Variants in TRAPPC9 observed in about 807,000 individuals in gnomAD.
TRAPPC9 encodes the protein trafficking protein particle complex subunit 9.
TRAPPC9 carries 83 observed loss-of-function variants against 124.0 expected under a neutral mutation model. The ratio of observed to expected loss-of-function variants is 0.67; its 90% confidence interval spans 0.56 to 0.80. The LOEUF (loss-of-function observed/expected upper bound fraction) is 0.80. TRAPPC9 is among the 30% of genes least tolerant of loss of function. The probability of loss-of-function intolerance (pLI) is 0.00; values close to 1 mark genes in which losing one functional copy is unlikely to be tolerated. For missense variants in TRAPPC9, 1,302 were observed against 1,508.3 expected (o/e 0.86, Z 2.27); for synonymous variants, 638 against 617.5 (o/e 1.03, Z -0.49).
chr8:139,762,861 A>G (rs2130369249), intron 21 of TRAPPC9, among the ~76,000 whole-genome samples: 1 of 152,288 alleles, frequency 6.6e-6, no homozygotes, highest in African/African-American at 2.4e-5. Context: ...ACGCACCCAG[A>G]AAGGAACATG....
intron 5 of TRAPPC9, among the ~76,000 whole-genome samples, chr8:140,411,585 GC>G (rs1451728168): frequency 2.6e-5 from 4 of 152,136 alleles, no homozygotes; most frequent in Non-Finnish European, 5.9e-5. Flanking sequence ...CAGGTGATCT[GC>G]CTGCCTCAAA....
At chr8:140,260,875 C>T (rs973819304) in intron 15 of TRAPPC9, among the ~76,000 whole-genome samples, 4 of 152,256 alleles carry the variant, frequency 2.6e-5, no homozygotes, top group Non-Finnish European at 4.4e-5. Flanking sequence ...CATCACCAGG[C>T]GGAAAGCACA....
At chr8:140,292,686 C>T (rs988140160) in intron 11 of TRAPPC9, among the ~76,000 whole-genome samples, 2 of 151,582 alleles carry the variant, frequency 1.3e-5, no homozygotes, top group African/African-American at 4.9e-5. Context: ...AACTGGATCC[C>T]TTCCTTACAC....
chr8:140,287,511 G>C, intron 13 of TRAPPC9, 97 bp downstream of exon 13: 1 of 1,491,742 alleles, frequency 6.7e-7, no homozygotes, highest in Non-Finnish European at 9.4e-7. Flanking sequence ...AACTGGTTAG[G>C]ACTGGCATGA....
intron 7 of TRAPPC9, among the ~76,000 whole-genome samples, chr8:140,382,507 G>A (rs2068637787): frequency 6.6e-6 from 1 of 151,408 alleles, no homozygotes; most frequent in African/African-American, 2.4e-5. Context: ...GCGCATGGCT[G>A]GGAGGGTCCC....
intron 19 of TRAPPC9, among the ~76,000 whole-genome samples, chr8:139,974,846 CAGCCTCCG>C (rs1272855003): frequency 1.3e-5 from 2 of 152,118 alleles, no homozygotes; most frequent in Non-Finnish European, 2.9e-5. Context: ...CTCCGCCCGG[CAGCCTCCG>C]GCTGCCTCTC....
At chr8:140,210,335 G>C (rs545102849) in intron 17 of TRAPPC9, among the ~76,000 whole-genome samples, 1 of 152,206 alleles carries the variant, frequency 6.6e-6, no homozygotes, top group Non-Finnish European at 1.5e-5. Context: ...TGTGGTGAAC[G>C]CGCACCGTCA....
At chr8:140,171,936 G>C (rs1164006516) in intron 17 of TRAPPC9, among the ~76,000 whole-genome samples, 1 of 152,186 alleles carries the variant, frequency 6.6e-6, no homozygotes, top group African/African-American at 2.4e-5. Flanking sequence ...AGTATCTGGC[G>C]GCGTGAGGAG....
At chr8:140,283,738 G>T in intron 14 of TRAPPC9, 151 bp downstream of exon 14, 1 of 797,614 alleles carries the variant, frequency 1.3e-6, no homozygotes, top group Non-Finnish European at 2.1e-6. Context: ...TTTAAGCAAA[G>T]CGTATTGATG....
intron 10 of TRAPPC9, among the ~76,000 whole-genome samples, chr8:140,308,710 G>A (rs1357338267): frequency 6.6e-6 from 1 of 151,986 alleles, no homozygotes; most frequent in Non-Finnish European, 1.5e-5. Flanking sequence ...GTGAAACCCT[G>A]TCTCTACTAA....
intron 21 of TRAPPC9, among the ~76,000 whole-genome samples, chr8:139,737,875 G>A (rs551403464): frequency 1.3e-5 from 2 of 152,298 alleles, no homozygotes; most frequent in Non-Finnish European, 2.9e-5. Context: ...AGGAGGGGAG[G>A]ATCTGCAGGA....
chr8:140,121,079 G>A (rs1030090479), intron 17 of TRAPPC9, among the ~76,000 whole-genome samples: 1 of 152,268 alleles, frequency 6.6e-6, no homozygotes, highest in Non-Finnish European at 1.5e-5. Flanking sequence ...CACTAGGCAA[G>A]ATGTTGGGTT....
At chr8:139,957,728 G>A (rs1044420805) in intron 19 of TRAPPC9, among the ~76,000 whole-genome samples, 4 of 152,100 alleles carry the variant, frequency 2.6e-5, no homozygotes, top group Non-Finnish European at 4.4e-5. Flanking sequence ...CCGCAGGGGT[G>A]GCTCACTCGC....
intron 17 of TRAPPC9, among the ~76,000 whole-genome samples, chr8:140,047,115 C>T (rs1348221616): frequency 2.0e-5 from 3 of 152,228 alleles, no homozygotes; most frequent in East Asian, 3.8e-4. Flanking sequence ...GCCTGGGCCC[C>T]GCCAGCCTCT....
chr8:140,411,632 G>A (rs149496673), intron 5 of TRAPPC9, among the ~76,000 whole-genome samples: 393 of 152,272 alleles, frequency 2.6e-3, no homozygotes, highest in Non-Finnish European at 4.6e-3. Flanking sequence ...ATGAGCCACC[G>A]TGCCCGGCCT....
At chr8:140,042,673 T>C (rs1265729661) in intron 17 of TRAPPC9, among the ~76,000 whole-genome samples, 3 of 152,240 alleles carry the variant, frequency 2.0e-5, no homozygotes, top group Admixed American at 2.0e-4. Context: ...CCACGCCCTC[T>C]GCAGATGCCA....
intron 9 of TRAPPC9, among the ~76,000 whole-genome samples, chr8:140,338,477 G>A (rs560373114): frequency 6.6e-6 from 1 of 152,328 alleles, no homozygotes; most frequent in South Asian, 2.1e-4. Context: ...CATGGTACAG[G>A]TTGAATCGTG....
chr8:140,289,180 TGTGTGTGTGTGTG>T (rs1563919916), intron 12 of TRAPPC9, among the ~76,000 whole-genome samples: 2 of 22,558 alleles, frequency 8.9e-5, no homozygotes, highest in African/African-American at 5.5e-4. Flanking sequence ...ATATAGTGTG[TGTGTGTGTGTGTG>T]TGTGTGTGTG....
chr8:140,029,374 G>A (rs527420022), intron 17 of TRAPPC9, among the ~76,000 whole-genome samples: 52 of 152,244 alleles, frequency 3.4e-4, no homozygotes, highest in Non-Finnish European at 6.0e-4. Flanking sequence ...GCTTAGTGGC[G>A]CAGGCCTGTA....
Sources: allele counts gnomAD v4.1 joint callset (sites outside exome capture counted in the v4.1 genomes callset), GRCh38; gene constraint gnomAD v4.1.1; transcripts MANE v1.5; gene names NCBI Gene and HGNC (gene_info 2026-07-23, HGNC 2026-07-21).